Variants in NMNAT2 observed in about 807,000 individuals in gnomAD.
The protein encoded by NMNAT2 is nicotinamide nucleotide adenylyltransferase 2, also known as nicotinamide/nicotinic acid mononucleotide adenylyltransferase 2.
NMNAT2 carries 11 observed loss-of-function variants against 41.6 expected under a neutral mutation model. The observed-to-expected ratio is 0.26, with a 90% CI of 0.17 to 0.44. The LOEUF is 0.44. Among genes scored for constraint, NMNAT2 ranks in the 20% least tolerant of loss-of-function variants. The pLI is 1.00. For synonymous variants in NMNAT2, 148 were observed against 151.2 expected, an observed-to-expected ratio of 0.98 and a Z score of 0.16; for missense variants, 288 against 407.7, an observed-to-expected ratio of 0.71 and a Z score of 2.53.
intron 1 of NMNAT2, among the ~76,000 whole-genome samples, chr1:183,373,766 C>T (rs911657999): frequency 5.9e-5 from 9 of 152,014 alleles, no homozygotes; most frequent in African/African-American, 1.4e-4. Flanking sequence ...TACAGGCACA[C>T]GCAACCATGC....
chr1:183,299,513 A>G (rs1318784421), intron 1 of NMNAT2, among the ~76,000 whole-genome samples: 1 of 152,178 alleles, frequency 6.6e-6, no homozygotes, highest in Non-Finnish European at 1.5e-5. Context: ...TTTATATAAC[A>G]TGGTCAAAAA....
chr1:183,267,948 T>A (rs1248911822), intron 8 of NMNAT2, among the ~76,000 whole-genome samples: 1 of 152,164 alleles, frequency 6.6e-6, no homozygotes, highest in East Asian at 1.9e-4. Context: ...CACTGGCATA[T>A]GTCGAGCCTC....
chr1:183,368,649 C>T (rs996738345), intron 1 of NMNAT2, among the ~76,000 whole-genome samples: 2 of 152,176 alleles, frequency 1.3e-5, no homozygotes, highest in Non-Finnish European at 2.9e-5. Context: ...ACTCTAAGCA[C>T]TTTGCTTCAG....
intron 8 of NMNAT2, among the ~76,000 whole-genome samples, chr1:183,272,728 C>T (rs543120128): frequency 9.9e-5 from 15 of 152,246 alleles, no homozygotes; most frequent in African/African-American, 2.9e-4. Context: ...GTCCAACAGA[C>T]GGTCTCAGCC....
chr1:183,376,366 T>C (rs750363654), intron 1 of NMNAT2, among the ~76,000 whole-genome samples: 7 of 152,196 alleles, frequency 4.6e-5, no homozygotes, highest in African/African-American at 7.2e-5. Flanking sequence ...ACAGCCAGGC[T>C]CTACAGCAAT....
chr1:183,299,458 G>A (rs1661791245), intron 1 of NMNAT2, among the ~76,000 whole-genome samples: 1 of 152,180 alleles, frequency 6.6e-6, no homozygotes, highest in South Asian at 2.1e-4. Context: ...ATTATTCTGA[G>A]TGAAGAAAAG....
At position 183,418,303 on chromosome 1, in the gene NMNAT2, G is replaced by A. The variant is rs1649310776; in HGVS notation, c.-36C>T. 3.8e-6 allele frequency: 6 copies of A among 1,596,284 alleles called. No individual in the cohort carries two copies. Among genetic ancestry groups the A allele is most frequent in the Non-Finnish European group, 5.2e-6 (6 of 1,164,112 alleles). The stretch of plus-strand genomic sequence containing the variant: ...GGTCCTTCGCGGTGGTCTAGGGGTT[G>A]CCTCTCTTTTTGTGTCTCGTTGTGT... On this transcript the variant is annotated 5_prime_UTR_variant, in exon 1 of 11. Transcript: ENST00000287713.
At chr1:183,291,809 T>C (rs1661547161) in intron 3 of NMNAT2, among the ~76,000 whole-genome samples, 1 of 152,202 alleles carries the variant, frequency 6.6e-6, no homozygotes, top group Non-Finnish European at 1.5e-5. Flanking sequence ...TCTGGGCCTG[T>C]TTCTCACCTG....
chr1:183,308,961 G>C (rs1475839683), intron 1 of NMNAT2, among the ~76,000 whole-genome samples: 1 of 152,134 alleles, frequency 6.6e-6, no homozygotes, highest in Non-Finnish European at 1.5e-5. Flanking sequence ...GAAGGATCAG[G>C]TAGAAAAGGC....
intron 8 of NMNAT2, among the ~76,000 whole-genome samples, chr1:183,271,822 G>A (rs576584218): frequency 3.6e-4 from 54 of 151,740 alleles, no homozygotes; most frequent in Admixed American, 3.3e-3. Context: ...GCGCTCTCTC[G>A]GCTCCCTGCA....
At chr1:183,348,029 C>T (rs1662969537) in intron 1 of NMNAT2, among the ~76,000 whole-genome samples, 2 of 152,134 alleles carry the variant, frequency 1.3e-5, no homozygotes, top group Non-Finnish European at 2.9e-5. Context: ...CTCCCCCAAC[C>T]CCTCCCATTC....
intron 1 of NMNAT2, among the ~76,000 whole-genome samples, chr1:183,366,469 A>T (rs991683124): frequency 6.6e-6 from 1 of 152,228 alleles, no homozygotes; most frequent in Non-Finnish European, 1.5e-5. Context: ...GCACTCTGCT[A>T]GCCACTGTTG....
chr1:183,326,819 T>C (rs980304450), intron 1 of NMNAT2, among the ~76,000 whole-genome samples: 4 of 152,124 alleles, frequency 2.6e-5, no homozygotes, highest in Non-Finnish European at 5.9e-5. Context: ...ATTTAAAATA[T>C]ACATTGGAGG....
intron 1 of NMNAT2, among the ~76,000 whole-genome samples, chr1:183,373,535 C>T (rs548565113): frequency 6.6e-6 from 1 of 152,076 alleles, no homozygotes; most frequent in African/African-American, 2.4e-5. Context: ...CATGGAGTCA[C>T]CAAGGAAAAA....
intron 1 of NMNAT2, among the ~76,000 whole-genome samples, chr1:183,353,055 G>A (rs1408159385): frequency 6.6e-6 from 1 of 152,056 alleles, no homozygotes; most frequent in Non-Finnish European, 1.5e-5. Context: ...CACCCAGGCT[G>A]GAGTGCAGTG....
At chr1:183,410,110 A>G (rs1177109251) in intron 1 of NMNAT2, among the ~76,000 whole-genome samples, 5 of 151,236 alleles carry the variant, frequency 3.3e-5, no homozygotes, top group African/African-American at 7.3e-5. Flanking sequence ...GGAGTTCAAG[A>G]CCAGCTGGGC....
intron 10 of NMNAT2, among the ~76,000 whole-genome samples, chr1:183,259,612 G>T (rs1323984851): frequency 2.0e-5 from 3 of 152,052 alleles, no homozygotes; most frequent in Non-Finnish European, 4.4e-5. Context: ...TTTTTTGTGT[G>T]TGTGTGTGAT....
intron 1 of NMNAT2, among the ~76,000 whole-genome samples, chr1:183,358,968 G>C (rs985564275): frequency 1.3e-5 from 2 of 152,166 alleles, no homozygotes; most frequent in South Asian, 4.1e-4. Flanking sequence ...TTTGAAGAAA[G>C]TTTGAGCAGA....
chr1:183,256,875 C>T (rs1409943485), intron 10 of NMNAT2, among the ~76,000 whole-genome samples: 1 of 152,046 alleles, frequency 6.6e-6, no homozygotes, highest in Non-Finnish European at 1.5e-5. Flanking sequence ...CCTCAGCCTC[C>T]CAAGTAGCTG....
Sources: allele counts gnomAD v4.1 joint callset (sites outside exome capture counted in the v4.1 genomes callset), GRCh38; gene constraint gnomAD v4.1.1; transcripts MANE v1.5; gene names NCBI Gene and HGNC (gene_info 2026-07-23, HGNC 2026-07-21).